GAL: variants seen among roughly 807,000 people sequenced by gnomAD.
The protein encoded by GAL is galanin and GMAP prepropeptide, also known as galanin peptides.
A neutral mutation model predicts 15.8 loss-of-function variants in GAL; 14 were observed. That is an observed-to-expected ratio of 0.89 (90% CI 0.59 to 1.39). GAL has a LOEUF of 1.39. Ranked by LOEUF, GAL falls within the 40% of genes most tolerant of loss-of-function variation. The pLI, the probability that GAL is intolerant of heterozygous loss-of-function variation, is 0.00. For synonymous variants in GAL, 79 were observed against 73.8 expected (o/e 1.07, Z -0.36); for missense variants, 176 against 170.4 (o/e 1.03, Z -0.18).
chr11:68,690,081 G>A (rs1302345227), intron 5 of GAL, among the ~76,000 whole-genome samples: 1 of 152,040 alleles, frequency 6.6e-6, no homozygotes, highest in Non-Finnish European at 1.5e-5. Context: ...AGGCAGTGGT[G>A]GGGAGGAGGG....
intron 4 of GAL, 120 bp from the exon 5 acceptor site, chr11:68,688,729 A>G (rs1006280821): frequency 2.4e-5 from 16 of 653,782 alleles, no homozygotes; most frequent in Non-Finnish European, 4.2e-5. Flanking sequence ...GCAGGGCCTC[A>G]GGCTGCTGGG....
intron 5 of GAL, 104 bp from the exon 6 acceptor site, chr11:68,690,813 C>T: frequency 3.9e-6 from 3 of 769,148 alleles, no homozygotes; most frequent in South Asian, 2.8e-5. Context: ...AGAATCTTTA[C>T]AGAGGACGAC....
chr11:68,685,758 C>G, intron 3 of GAL, 110 bp downstream of exon 3: 1 of 748,024 alleles, frequency 1.3e-6, no homozygotes, highest in Non-Finnish European at 2.4e-6. Context: ...TGGCCTCCCT[C>G]TTGACCTCAT....
chr11:68,690,942 G>C lies in GAL; in HGVS notation c.327G>C (p.Leu109=). ...LKEAGALDRL[L]DLPAAASSED... ...AGGCCGGTGCCCTCGACCGCCTCCT[G>C]GATCTCCCCGCCGCAGCCTCCTCAG... The change falls in exon 6 of 6, where the codon CTG becomes CTC. Residue 109 remains leucine, a synonymous_variant. Transcript: ENST00000265643. 1.2e-6 allele frequency: 2 copies of C among 1,613,292 alleles called. No individual in the cohort carries two copies. Among genetic ancestry groups the C allele is most frequent in the Non-Finnish European group, 1.7e-6 (2 of 1,179,550 alleles).
chr11:68,688,043 G>A lies in GAL; in HGVS notation c.166G>A (p.Asp56Asn), dbSNP rs149894151. The change falls in exon 4 of 6, where the codon GAC (aspartate) becomes AAC (asparagine). Residue 56 changes from aspartate (D) to asparagine (N), a missense_variant. Coordinates refer to ENST00000265643, the MANE Select transcript of GAL (RefSeq NM_015973.5). ...CGTTGGCAACCACAGGTCATTCAGCGACAAGAATGGCCTCACCAGCAAGCG... is the reference window on the plus strand; with the variant it reads ...CGTTGGCAACCACAGGTCATTCAGCAACAAGAATGGCCTCACCAGCAAGCG... ...HAVGNHRSFS[D>N]KNGLTSKREL... 193 of 1,612,822 alleles carry A rather than the reference G, an allele frequency of 1.2e-4. 1 individual carries two copies. The highest frequency in any genetic ancestry group is 1.2e-3 in the Middle Eastern group (7 of 6,080).
chr11:68,686,097 A>G (rs1945850141), intron 3 of GAL, among the ~76,000 whole-genome samples: 1 of 152,090 alleles, frequency 6.6e-6, no homozygotes, highest in Admixed American at 6.5e-5. Flanking sequence ...TCCCCTCAAA[A>G]CAAGGTTCAG....
intron 3 of GAL, among the ~76,000 whole-genome samples, chr11:68,687,744 C>T (rs905464958): frequency 5.9e-5 from 9 of 152,192 alleles, no homozygotes; most frequent in African/African-American, 2.2e-4. Context: ...TTCTGGGCCT[C>T]TCCCCCACTT....
intron 5 of GAL, among the ~76,000 whole-genome samples, chr11:68,690,110 C>T (rs1307152383): frequency 6.6e-6 from 1 of 151,502 alleles, no homozygotes; most frequent in Non-Finnish European, 1.5e-5. Flanking sequence ...CTTTGCCTCT[C>T]CAGCAGAGAA....
In GAL at chr11:68,690,921, C is replaced by T. The variant is rs147122838; in HGVS notation, c.306C>T (p.Ala102=). 125 of 1,610,884 alleles carry T rather than the reference C, an allele frequency of 7.8e-5. No individual in the cohort carries two copies. In the African/African-American group the frequency reaches 1.4e-3, roughly 18 times the overall value. Residue 102 remains alanine (A), a synonymous_variant, in exon 6 of 6, where the codon GCC becomes GCT. Transcript: ENST00000265643. ...EFLSFLHLKE[A]GALDRLLDLP... ...ATGTGGCTCTTCCCTTTGCAGAGGC[C>T]GGTGCCCTCGACCGCCTCCTGGATC... is the stretch of plus-strand genomic sequence containing the variant.
intron 5 of GAL, among the ~76,000 whole-genome samples, chr11:68,689,572 T>C (rs928685055): frequency 2.6e-5 from 4 of 152,162 alleles, no homozygotes; most frequent in Non-Finnish European, 5.9e-5. Context: ...AATTTTTGTA[T>C]TTTTAGTAGA....
chr11:68,688,715 C>T (rs1329625153), intron 4 of GAL, 134 bp from the exon 5 acceptor site: 3 of 628,350 alleles, frequency 4.8e-6, no homozygotes, highest in Non-Finnish European at 8.7e-6. Context: ...CCTTGGAAAG[C>T]ACAGCAGGGC....
intron 5 of GAL, 29 bp downstream of exon 5, chr11:68,688,955 C>T (rs1223042568): frequency 9.7e-7 from 1 of 1,029,388 alleles, no homozygotes; most frequent in East Asian, 2.4e-5. Context: ...ACTTAACATT[C>T]ATCTCTTAGT....
intron 5 of GAL, 116 bp from the exon 6 acceptor site, chr11:68,690,801 T>C: frequency 1.4e-6 from 1 of 725,692 alleles, no homozygotes; most frequent in Non-Finnish European, 2.5e-6. Flanking sequence ...TTTAATCTGG[T>C]AAGAATCTTT....
chr11:68,688,746 T>A, intron 4 of GAL, 103 bp from the exon 5 acceptor site: 1 of 696,630 alleles, frequency 1.4e-6, no homozygotes, highest in South Asian at 1.6e-5. Flanking sequence ...TGGGATCAGA[T>A]CATTGACCTT....
At chr11:68,688,429 G>T (rs984525048) in intron 4 of GAL, among the ~76,000 whole-genome samples, 1 of 152,232 alleles carries the variant, frequency 6.6e-6, no homozygotes, top group Non-Finnish European at 1.5e-5. Context: ...TGGAGTTCAA[G>T]ACCAGCCTGG....
chr11:68,691,152 T>C lies in GAL; in HGVS notation c.*165T>C, dbSNP rs1594276580. ...TTTTTTTTTTGGTAATTATTTTGAG[T>C]GGCAAAATAAAGAATAGCAATTACT... On this transcript the variant is annotated 3_prime_UTR_variant, in exon 6 of 6. Coordinates refer to ENST00000265643, the MANE Select transcript of GAL (RefSeq NM_015973.5). 1.7e-6 allele frequency: 1 copy of C among 583,164 alleles called. No individual in the cohort carries two copies. Among genetic ancestry groups the C allele is most frequent in the East Asian group, 2.8e-5 (1 of 35,886 alleles). 36.1% of individuals were successfully genotyped at this position (583,164 alleles called of 1,614,324 possible).
Position 68,684,912 on chromosome 11 carries a change from C to G in GAL, c.1-12C>G, listed in dbSNP as rs770012087. 1.9e-6 allele frequency: 3 copies of G among 1,587,784 alleles called. No homozygotes were observed. The highest frequency in any genetic ancestry group is 2.6e-6 in the Non-Finnish European group (3 of 1,160,856). Reference sequence around the variant, plus strand: ...CGGGTTCCGACCCGCCCGCCCTGTCCTTCCCTTCCAGATGGCCCGAGGCAG... The same window carrying G: ...CGGGTTCCGACCCGCCCGCCCTGTCGTTCCCTTCCAGATGGCCCGAGGCAG... On this transcript the variant is annotated splice_polypyrimidine_tract_variant and intron_variant, in intron 1 of 5. Transcript: ENST00000265643.
In GAL at chr11:68,685,001, G is replaced by A. The variant is rs1403615839; in HGVS notation, c.78G>A (p.Ser26=). 1.3e-6 allele frequency: 2 copies of A among 1,590,286 alleles called. No individual in the cohort carries two copies. Among genetic ancestry groups the A allele is most frequent in the Non-Finnish European group, 1.7e-6 (2 of 1,166,474 alleles). ...AALSASAGLW[S]PAKEKRGWTL... ...TTTCTGCCTCTGCGGGGCTCTGGTCGCCGGTAAGTGCGGGGCGCGTCTCCT... is the reference window on the plus strand; with the variant it reads ...TTTCTGCCTCTGCGGGGCTCTGGTCACCGGTAAGTGCGGGGCGCGTCTCCT... Residue 26 remains serine, a synonymous_variant, in exon 2 of 6, where the codon TCG becomes TCA. Coordinates refer to ENST00000265643, the MANE Select transcript of GAL (RefSeq NM_015973.5).
At chr11:68,690,893 CA>C in intron 5 of GAL, 23 bp from the exon 6 acceptor site, 1 of 1,534,572 alleles carries the variant, frequency 6.5e-7, no homozygotes, top group South Asian at 1.1e-5. Context: ...AGTTGCTGCT[CA>C]GATGTGGCTC....
Sources: gnomAD v4.1 joint callset for allele counts (sites outside exome capture counted in the v4.1 genomes callset) on GRCh38, gnomAD v4.1.1 for gene constraint, MANE v1.5 for transcripts, NCBI Gene and HGNC (gene_info 2026-07-23, HGNC 2026-07-21) for gene names.